The following GRM8 variants were observed in gnomAD, a reference collection of about 807,000 sequenced individuals.
GRM8 encodes metabotropic glutamate receptor 8.
A neutral mutation model predicts 87.2 loss-of-function variants in GRM8; 47 were observed. The observed-to-expected ratio is 0.54, with a 90% CI of 0.43 to 0.69. GRM8 has a LOEUF of 0.69. Among genes scored for constraint, GRM8 ranks in the 30% least tolerant of loss-of-function variants. The pLI, the probability that GRM8 is intolerant of heterozygous loss-of-function variation, is 0.00. For missense variants in GRM8, 1,019 were observed against 1,139.2 expected, an observed-to-expected ratio of 0.89 and a Z score of 1.52; for synonymous variants, 396 against 404.5, an observed-to-expected ratio of 0.98 and a Z score of 0.25.
chr7:126,999,534 A>T (rs539549917), intron 3 of GRM8, among the ~76,000 whole-genome samples: 33 of 151,914 alleles, frequency 2.2e-4, no homozygotes, highest in South Asian at 4.1e-4. Flanking sequence ...AGCTATAAAA[A>T]CTCTATAGGA....
At chr7:126,760,992 T>C (rs1372459652) in intron 7 of GRM8, among the ~76,000 whole-genome samples, 1 of 152,026 alleles carries the variant, frequency 6.6e-6, no homozygotes, top group Non-Finnish European at 1.5e-5. Context: ...AGCTCAGGAG[T>C]TTGAGACCAG....
At chr7:126,722,628 A>C (rs1474868046) in intron 7 of GRM8, among the ~76,000 whole-genome samples, 1 of 152,126 alleles carries the variant, frequency 6.6e-6, no homozygotes, top group African/African-American at 2.4e-5. Flanking sequence ...TGAGCAGCTA[A>C]TGCTACCCTT....
At chr7:126,778,691 T>C (rs897226927) in intron 6 of GRM8, among the ~76,000 whole-genome samples, 13 of 152,072 alleles carry the variant, frequency 8.5e-5, no homozygotes, top group Non-Finnish European at 1.9e-4. Flanking sequence ...TAAGGCATAT[T>C]AAAGACACTC....
At chr7:126,532,737 C>T (rs1815010596) in intron 9 of GRM8, among the ~76,000 whole-genome samples, 1 of 136,034 alleles carries the variant, frequency 7.4e-6, no homozygotes, top group Non-Finnish European at 1.6e-5. Flanking sequence ...AACACAAATT[C>T]AAAGCAATGT....
Position 126,705,271 on chromosome 7 carries a change from T to C in GRM8, c.1357+64594A>G, listed in dbSNP as rs1035385553. On this transcript the variant is annotated intron_variant, in intron 7 of 10. Transcript: ENST00000339582. ...CTTGCTATTCTTATAAATATAATCC[T>C]AGCATTGCAGGATACCATGGGCCAT... Among the ~76,000 whole-genome samples the C allele has an allele frequency of 2.0e-5, 3 of 152,280 alleles. No homozygotes were observed. The South Asian group carries it at 6.2e-4, about 32-fold the overall frequency.
intron 3 of GRM8, chr7:127,058,104 T>A (rs181133328): frequency 2.0e-6 from 1 of 511,776 alleles, no homozygotes; most frequent in South Asian, 1.5e-5. Context: ...ACGTCTTACG[T>A]CATGATGTTG....
chr7:127,113,576 T>G (rs1826515307), intron 2 of GRM8, among the ~76,000 whole-genome samples: 1 of 152,176 alleles, frequency 6.6e-6, no homozygotes, highest in Non-Finnish European at 1.5e-5. Flanking sequence ...GGTGGGTTCT[T>G]TGTGCTACTC....
intron 3 of GRM8, among the ~76,000 whole-genome samples, chr7:126,973,590 A>C (rs1249578000): frequency 6.6e-6 from 1 of 152,230 alleles, no homozygotes; most frequent in Non-Finnish European, 1.5e-5. Flanking sequence ...CTAGGTCAAC[A>C]TATTTATAAC....
At chr7:126,971,555 A>T (rs1022587923) in intron 3 of GRM8, among the ~76,000 whole-genome samples, 3 of 152,176 alleles carry the variant, frequency 2.0e-5, no homozygotes, top group Non-Finnish European at 4.4e-5. Flanking sequence ...AGGGGCTTCA[A>T]TTAAAGGTCA....
chr7:126,569,261 C>A (rs1339712790), intron 8 of GRM8, among the ~76,000 whole-genome samples: 1 of 152,028 alleles, frequency 6.6e-6, no homozygotes, highest in Non-Finnish European at 1.5e-5. Context: ...ATAATGTAGT[C>A]ACAAGCCAAT....
chr7:127,151,482 A>G (rs1336678785), intron 2 of GRM8, among the ~76,000 whole-genome samples: 1 of 152,206 alleles, frequency 6.6e-6, no homozygotes, highest in East Asian at 1.9e-4. Context: ...CCAAAACCCA[A>G]TTATGGATGG....
intron 9 of GRM8, among the ~76,000 whole-genome samples, chr7:126,458,657 T>A (rs2150511438): frequency 6.6e-6 from 1 of 151,294 alleles, no homozygotes; most frequent in Non-Finnish European, 1.5e-5. Flanking sequence ...AAAACATAAA[T>A]GAGCTTCACA....
chr7:126,596,192 T>A (rs1797177292), intron 8 of GRM8, among the ~76,000 whole-genome samples: 1 of 152,154 alleles, frequency 6.6e-6, no homozygotes, highest in Admixed American at 6.6e-5. Flanking sequence ...ATTGCTGGGG[T>A]GAATGGTAAT....
intron 3 of GRM8, among the ~76,000 whole-genome samples, chr7:127,045,283 GC>G (rs1018482748): frequency 6.7e-6 from 1 of 149,748 alleles, no homozygotes; most frequent in Admixed American, 6.6e-5. Context: ...CATATTCTTT[GC>G]CCCTGTTTTC....
intron 3 of GRM8, among the ~76,000 whole-genome samples, chr7:127,030,535 C>G (rs368024840): frequency 2.0e-5 from 3 of 152,240 alleles, no homozygotes; most frequent in East Asian, 3.9e-4. Context: ...CTCTGTTTAT[C>G]TCAACTCATT....
chr7:127,237,625 G>A (rs1327109527), intron 2 of GRM8, among the ~76,000 whole-genome samples: 1 of 152,210 alleles, frequency 6.6e-6, no homozygotes, highest in East Asian at 1.9e-4. Flanking sequence ...CACATAGGGT[G>A]AAATTATCTA....
intron 9 of GRM8, among the ~76,000 whole-genome samples, chr7:126,497,292 C>T (rs944783126): frequency 1.3e-5 from 2 of 151,908 alleles, no homozygotes; most frequent in Non-Finnish European, 2.9e-5. Flanking sequence ...CATTAATTTT[C>T]TTAAAAGCCT....
intron 7 of GRM8, among the ~76,000 whole-genome samples, chr7:126,714,333 C>G (rs984822343): frequency 1.3e-5 from 2 of 148,474 alleles, no homozygotes; most frequent in Admixed American, 6.7e-5. Flanking sequence ...TAAATAGTAT[C>G]TACCTACAAA....
rs536782289 is a variant in GRM8, at chr7:126,609,471, T to C, written c.1385A>G (p.Asn462Ser). The C allele has an allele frequency of 3.7e-6, 6 of 1,612,936 alleles. No individual in the cohort carries two copies. The African/African-American group carries it at 8.0e-5, about 21-fold the overall frequency. The change falls in exon 8 of 11, where the codon AAT becomes AGT. Residue 462 changes from asparagine to serine, a missense_variant. Transcript: ENST00000339582. The part of the protein sequence containing the change: ...NGSAGTPVTF[N>S]ENGDAPGRYD... ...ACGTCCAGGAGCATCTCCGTTTTCA[T>C]TAAAAGTGACAGGAGTGCCAGCACT...
Sources: allele counts gnomAD v4.1 joint callset (sites outside exome capture counted in the v4.1 genomes callset), GRCh38; gene constraint gnomAD v4.1.1; transcripts MANE v1.5; gene names NCBI Gene and HGNC (gene_info 2026-07-23, HGNC 2026-07-21).